LPA: variants seen among roughly 807,000 people sequenced by gnomAD.
The protein encoded by LPA is apolipoprotein(a).
A neutral mutation model predicts 197.9 loss-of-function variants in LPA; 199 were observed. The observed-to-expected ratio is 1.01, with a 90% CI of 0.90 to 1.13. The LOEUF is 1.13. Ranked by LOEUF, LPA falls within the 50% of genes most tolerant of loss-of-function variation. The pLI is 0.00. For synonymous variants in LPA, 715 were observed against 639.5 expected, an observed-to-expected ratio of 1.12 and a Z score of -1.78; for missense variants, 1,853 against 1,785.8, an observed-to-expected ratio of 1.04 and a Z score of -0.68.
chr6:160,599,351 A>G (rs951124480), intron 20 of LPA, 149 bp downstream of exon 20: 12 of 1,269,212 alleles, frequency 9.5e-6, no homozygotes, highest in South Asian at 5.0e-5. Flanking sequence ...TCAAAAAAAC[A>G]AAGTCTTCTC....
intron 28 of LPA, among the ~76,000 whole-genome samples, chr6:160,559,851 T>A (rs1206412094): frequency 6.6e-6 from 1 of 152,172 alleles, no homozygotes; most frequent in African/African-American, 2.4e-5. Flanking sequence ...GTGGGTTTGT[T>A]ACATAGGTAT....
Position 160,579,229 on chromosome 6 carries a change from G to T in LPA, c.4290-525C>A, listed in dbSNP as rs539615089. On this transcript the variant is annotated intron_variant, in intron 26 of 38. Coordinates refer to ENST00000316300, the MANE Select transcript of LPA (RefSeq NM_005577.4). ...AGCCCCCTTACTCTATTTACTCATAGTGTAGCATAAATGCTCTACATTTGC... is the reference window on the plus strand; with the variant it reads ...AGCCCCCTTACTCTATTTACTCATATTGTAGCATAAATGCTCTACATTTGC... Among the ~76,000 whole-genome samples, 16 of 152,026 alleles carry T rather than the reference G, an allele frequency of 1.1e-4. No individual in the cohort carries two copies. In the South Asian group the frequency reaches 3.3e-3, roughly 32 times the overall value.
intron 33 of LPA, 124 bp from the exon 34 acceptor site, chr6:160,542,932 C>G (rs41265934): frequency 0.015 from 20,209 of 1,319,164 alleles, 227 homozygotes; most frequent in African/African-American, 0.028. Context: ...ATGGTAAAAT[C>G]ATAAACACTC....
chr6:160,574,022 G>C (rs938681258), intron 28 of LPA, among the ~76,000 whole-genome samples: 1 of 152,126 alleles, frequency 6.6e-6, no homozygotes, highest in Non-Finnish European at 1.5e-5. Flanking sequence ...TCAGTTGGGG[G>C]TGGGACTAGG....
At chr6:160,658,158 G>A (rs9456573) in intron 1 of LPA, among the ~76,000 whole-genome samples, 7,706 of 152,130 alleles carry the variant, frequency 0.051, 682 homozygotes, top group African/African-American at 0.18. Flanking sequence ...TGGGGATGGG[G>A]AAACTGTTTC....
chr6:160,569,974 G>T (rs1340291447), intron 28 of LPA, among the ~76,000 whole-genome samples: 2 of 152,126 alleles, frequency 1.3e-5, no homozygotes, highest in East Asian at 3.9e-4. Context: ...TCATTAAAAA[G>T]TCAGGAAACA....
At chr6:160,589,164 GACA>G (rs959766107) in intron 24 of LPA, among the ~76,000 whole-genome samples, 4 of 152,190 alleles carry the variant, frequency 2.6e-5, no homozygotes, top group Non-Finnish European at 4.4e-5. Flanking sequence ...TGTTACCCAA[GACA>G]AACATGGCAA....
intron 1 of LPA, among the ~76,000 whole-genome samples, chr6:160,663,752 T>C (rs1340626376): frequency 1.3e-5 from 2 of 152,192 alleles, no homozygotes; most frequent in Non-Finnish European, 2.9e-5. Flanking sequence ...ACCAAACATA[T>C]TCAAAGAGTT....
At chr6:160,646,708 C>G (rs1779886647) in intron 2 of LPA, among the ~76,000 whole-genome samples, 1 of 137,572 alleles carries the variant, frequency 7.3e-6, no homozygotes, top group African/African-American at 2.8e-5. Context: ...TGCCTTCTGC[C>G]CAATCCATCT....
At chr6:160,662,087 T>G (rs1780236553) in intron 1 of LPA, among the ~76,000 whole-genome samples, 1 of 152,200 alleles carries the variant, frequency 6.6e-6, no homozygotes, top group African/African-American at 2.4e-5. Context: ...ACAGAATCAA[T>G]TTTTCTTTTT....
At chr6:160,565,750 C>G (rs182285082) in intron 28 of LPA, among the ~76,000 whole-genome samples, 1 of 152,110 alleles carries the variant, frequency 6.6e-6, no homozygotes, top group Non-Finnish European at 1.5e-5. Context: ...GAAGGATGTT[C>G]GAACCCATTG....
Position 160,531,784 on chromosome 6 carries a change from T to C in LPA, c.6068A>G (p.Tyr2023Cys), listed in dbSNP as rs41267807. The C allele has an allele frequency of 0.015, 23,481 of 1,614,070 alleles. 202 individuals carry two copies. The highest frequency in any genetic ancestry group is 0.017 in the Non-Finnish European group (20,337 of 1,179,974). The change falls in exon 39 of 39, where the codon TAT (tyrosine) becomes TGT (cysteine). Residue 2023 changes from tyrosine (Y) to cysteine (C), a missense_variant. Tyr to Cys is a radical substitution (Grantham distance 194, BLOSUM62 -2). Coordinates refer to ENST00000316300, the MANE Select transcript of LPA (RefSeq NM_005577.4). ...AGTAACAAACCTTGAAACACGAGCA[T>C]AGACACCAGGCTTATTGGGGCGTGC... ...GCARPNKPGV[Y>C]ARVSRFVTWI...
At chr6:160,543,720 C>G (rs975803406) in intron 33 of LPA, among the ~76,000 whole-genome samples, 1 of 152,210 alleles carries the variant, frequency 6.6e-6, no homozygotes, top group African/African-American at 2.4e-5. Flanking sequence ...AAATTATACC[C>G]TACTCCTACT....
intron 1 of LPA, among the ~76,000 whole-genome samples, chr6:160,652,693 A>G (rs1201340825): frequency 2.6e-5 from 4 of 152,134 alleles, no homozygotes; most frequent in Non-Finnish European, 5.9e-5. Context: ...TATTCAGGGT[A>G]AAAATAGTGT....
At chr6:160,615,399 G>C (rs1444558270) in intron 14 of LPA, among the ~76,000 whole-genome samples, 1 of 100,814 alleles carries the variant, frequency 9.9e-6, no homozygotes, top group South Asian at 3.5e-4. Context: ...TCATTCTGTA[G>C]GTTCTCTAAA....
At chr6:160,581,294 T>TTTTG (rs990637936) in intron 26 of LPA, among the ~76,000 whole-genome samples, 13 of 152,094 alleles carry the variant, frequency 8.5e-5, no homozygotes, top group South Asian at 2.1e-4. Context: ...ACTATGTATT[T>TTTTG]TTTGTTTGTT....
intron 30 of LPA, among the ~76,000 whole-genome samples, 191 bp downstream of exon 30, chr6:160,555,834 T>C (rs1379771628): frequency 6.6e-6 from 1 of 152,104 alleles, no homozygotes; most frequent in Non-Finnish European, 1.5e-5. Context: ...ATCAGACTAT[T>C]AGAAAAGATA....
chr6:160,584,344 T>G (rs1486970268), intron 26 of LPA, among the ~76,000 whole-genome samples: 1 of 147,926 alleles, frequency 6.8e-6, no homozygotes, highest in African/African-American at 2.5e-5. Context: ...CTTTTTTTTT[T>G]TTTTTGAGAT....
rs951508388 is a variant in LPA at position 160,552,806 on chromosome 6, T to C, written c.4973+3219A>G. Reference sequence around the variant, plus strand: ...TCAATTTACAATCTCTGCCTTTTATTTGTAATGCTTAATCCTTTTATATTT... The same window carrying C: ...TCAATTTACAATCTCTGCCTTTTATCTGTAATGCTTAATCCTTTTATATTT... On this transcript the variant is annotated intron_variant, in intron 30 of 38. Coordinates refer to ENST00000316300, the MANE Select transcript of LPA (RefSeq NM_005577.4). 7.9e-5 allele frequency among the ~76,000 whole-genome samples: 12 copies of C among 152,236 alleles called. 1 individual carries two copies. Among genetic ancestry groups the C allele is most frequent in the African/African-American group, 2.9e-4 (12 of 41,464 alleles).
Sources: allele counts gnomAD v4.1 joint callset (sites outside exome capture counted in the v4.1 genomes callset), GRCh38; gene constraint gnomAD v4.1.1; transcripts MANE v1.5; gene names NCBI Gene and HGNC (gene_info 2026-07-23, HGNC 2026-07-21).